TBRG1: variants seen among roughly 807,000 people sequenced by gnomAD.
The protein encoded by TBRG1 is transforming growth factor beta regulator 1.
A neutral mutation model predicts 44.0 loss-of-function variants in TBRG1; 31 were observed. The ratio of observed to expected loss-of-function variants is 0.70; its 90% CI spans 0.53 to 0.95. The LOEUF is 0.95. Ranked by LOEUF, TBRG1 falls within the 40% of genes least tolerant of loss-of-function variation. The pLI, the probability that TBRG1 is intolerant of heterozygous loss-of-function variation, is 0.00. For synonymous variants in TBRG1, 171 were observed against 188.1 expected, an observed-to-expected ratio of 0.91 and a Z score of 0.74; for missense variants, 487 against 496.1, an observed-to-expected ratio of 0.98 and a Z score of 0.18.
In TBRG1 at chr11:124,625,743, C is replaced by T; in HGVS notation, c.294C>T (p.His98=). The T allele has an allele frequency of 6.4e-7, 1 of 1,561,944 alleles. No individual in the cohort carries two copies. Among genetic ancestry groups the T allele is most frequent in the Non-Finnish European group, 8.7e-7 (1 of 1,151,914 alleles). ...AAGTACAGGCTGCAGCTCCTTCCCACAGTTCCAGTTTGCCCCTGACTTATG... is the reference window on the plus strand; with the variant it reads ...AAGTACAGGCTGCAGCTCCTTCCCATAGTTCCAGTTTGCCCCTGACTTATG... ...EGEVQAAAPS[H]SSSLPLTYGV... Residue 98 remains histidine (H), a synonymous_variant, in exon 3 of 9, where the codon CAC becomes CAT. Coordinates refer to ENST00000441174, the MANE Select transcript of TBRG1 (RefSeq NM_032811.3).
chr11:124,624,869 C>T, intron 1 of TBRG1, 62 bp from the exon 2 acceptor site: 1 of 1,150,180 alleles, frequency 8.7e-7, no homozygotes, highest in Non-Finnish European at 1.2e-6. Context: ...ATCCTCTTCC[C>T]AGCATAATAA....
At chr11:124,630,259 A>G in intron 5 of TBRG1, 129 bp from the exon 6 acceptor site, 1 of 724,954 alleles carries the variant, frequency 1.4e-6, no homozygotes, top group Non-Finnish European at 2.5e-6. Context: ...ATAGGAAAGT[A>G]TGTGTGTCCC....
chr11:124,626,734 C>T (rs1942481463), intron 4 of TBRG1, 125 bp downstream of exon 4: 1 of 1,412,746 alleles, frequency 7.1e-7, no homozygotes, highest in Admixed American at 2.0e-5. Context: ...AGCGTATCTC[C>T]AGTCCCTGCA....
In TBRG1 at chr11:124,631,434, C is replaced by T. The variant is rs766938199; in HGVS notation, c.1090+17C>T. The T allele has an allele frequency of 6.2e-7, 1 of 1,613,324 alleles. No individual in the cohort carries two copies. Among genetic ancestry groups the T allele is most frequent in the Admixed American group, 1.7e-5 (1 of 60,014 alleles). On this transcript the variant is annotated intron_variant, in intron 8 of 8. Transcript: ENST00000441174. The stretch of plus-strand genomic sequence containing the variant: ...TTCTGCCAGGTATCTTTAACTTTAC[C>T]TTTCTGGTTTGAAAATTGACTGTGT...
At position 124,634,615 on chromosome 11, in the gene TBRG1, T is replaced by C. The variant is rs773155090; in HGVS notation, c.*2377T>C. 1.1e-4 allele frequency: 16 copies of C among 152,152 alleles called. No homozygotes were observed. The highest frequency in any genetic ancestry group is 2.1e-4 in the South Asian group (1 of 4,830). 9.4% of individuals were successfully genotyped at this position (152,152 alleles called of 1,614,324 possible). A position where few individuals can be genotyped will look rare whatever the true frequency, so the allele number is the denominator to read the frequency against. ...TGTGGTATGATGTTTGCATGTGATA[T>C]TCATTACAGTATTATTTTAATAGTA... On this transcript the variant is annotated 3_prime_UTR_variant, in exon 9 of 9. Coordinates refer to ENST00000441174, the MANE Select transcript of TBRG1 (RefSeq NM_032811.3).
chr11:124,630,319 TAC>T, intron 5 of TBRG1, 67 bp from the exon 6 acceptor site: 1 of 988,620 alleles, frequency 1.0e-6, no homozygotes, highest in Non-Finnish European at 1.6e-6. Context: ...AAGAAATATT[TAC>T]AGAGTAGTAT....
chr11:124,624,049 G>A (rs9723), intron 1 of TBRG1, among the ~76,000 whole-genome samples: 28,703 of 152,098 alleles, frequency 0.19, 5,852 homozygotes, highest in African/African-American at 0.5. Context: ...CATTCCAAAA[G>A]CACTTATTCA....
chr11:124,627,123 G>C (rs960451628), intron 5 of TBRG1, 73 bp downstream of exon 5: 8 of 1,063,912 alleles, frequency 7.5e-6, no homozygotes, highest in Non-Finnish European at 9.9e-6. Flanking sequence ...TACCTGTTCT[G>C]ATACCTTACA....
At position 124,632,091 on chromosome 11, in the gene TBRG1, A is replaced by C; in HGVS notation, c.1091-2A>C. 6.8e-6 allele frequency: 11 copies of C among 1,613,576 alleles called. No homozygotes were observed. The highest frequency in any genetic ancestry group is 9.3e-6 in the Non-Finnish European group (11 of 1,179,586). ...TGGAACTTAAGGAATTGTTTTCTCC[A>C]GGATCCTTGGACCTCCCAGAGCTTC... On this transcript the variant is annotated splice_acceptor_variant, in intron 8 of 8. Transcript: ENST00000441174. LOFTEE classifies it high-confidence loss of function.
rs1291036760 is a variant in TBRG1 at position 124,635,243 on chromosome 11, C to T, written c.*3005C>T. 1 of 152,190 alleles carries T rather than the reference C, an allele frequency of 6.6e-6. No individual in the cohort carries two copies. Among genetic ancestry groups the T allele is most frequent in the Non-Finnish European group, 1.5e-5 (1 of 68,054 alleles). 9.4% of individuals were successfully genotyped at this position (152,190 alleles called of 1,614,324 possible). On this transcript the variant is annotated 3_prime_UTR_variant, in exon 9 of 9. Transcript: ENST00000441174. ...CAATCTGTTACAAGGTTCATGGTTTCTATGGGGCCAGATGCATGAGAGGTC... is the reference window on the plus strand; with the variant it reads ...CAATCTGTTACAAGGTTCATGGTTTTTATGGGGCCAGATGCATGAGAGGTC...
At chr11:124,627,251 A>G (rs555041184) in intron 5 of TBRG1, among the ~76,000 whole-genome samples, 3 of 152,318 alleles carry the variant, frequency 2.0e-5, no homozygotes, top group African/African-American at 7.2e-5. Context: ...TATCTGTCTC[A>G]TTCTCAAACT....
intron 1 of TBRG1, chr11:124,623,529 C>G (rs544476601): frequency 1.7e-4 from 73 of 439,630 alleles, no homozygotes; most frequent in Middle Eastern, 3.5e-4. Context: ...CTGCAGGACT[C>G]TAGGAAATGT....
At chr11:124,628,889 C>T (rs4936947) in intron 5 of TBRG1, among the ~76,000 whole-genome samples, 54,421 of 151,890 alleles carry the variant, frequency 0.36, 10,917 homozygotes, top group East Asian at 0.54. Flanking sequence ...ACAATGTTCA[C>T]TGTGGCAGTA....
Position 124,625,091 on chromosome 11 carries a change from T to C in TBRG1, c.221+90T>C. Reference sequence around the variant, plus strand: ...GTGTTACTGCTCTGGAGACTTTTTTTCCCAGTGGGATTGATGCGTATCGCA... The same window carrying C: ...GTGTTACTGCTCTGGAGACTTTTTTCCCCAGTGGGATTGATGCGTATCGCA... On this transcript the variant is annotated intron_variant, in intron 2 of 8. Coordinates refer to ENST00000441174, the MANE Select transcript of TBRG1 (RefSeq NM_032811.3). 3 of 917,472 alleles carry C rather than the reference T, an allele frequency of 3.3e-6. No individual in the cohort carries two copies. The South Asian group carries it at 4.7e-5, about 14-fold the overall frequency. 56.8% of individuals were successfully genotyped at this position (917,472 alleles called of 1,614,324 possible). A position where few individuals can be genotyped will look rare whatever the true frequency, so the allele number is the denominator to read the frequency against.
chr11:124,630,601 C>G (rs1328057419), intron 6 of TBRG1, 116 bp downstream of exon 6: 2 of 1,033,324 alleles, frequency 1.9e-6, no homozygotes, highest in Non-Finnish European at 3.0e-6. Context: ...TATCCTGGAT[C>G]CTCCTGACAT....
rs917737837 is a variant in TBRG1 at position 124,635,470 on chromosome 11, C to A, written c.*3232C>A. On this transcript the variant is annotated 3_prime_UTR_variant, in exon 9 of 9. Transcript: ENST00000441174. ...GGGGTAGAACTAAAGCAAAAACCAT[C>A]ATTCACCCTACAGAGTATTATAAAT... 6.6e-6 allele frequency: 1 copy of A among 152,174 alleles called. No individual in the cohort carries two copies. The highest frequency in any genetic ancestry group is 1.5e-5 in the Non-Finnish European group (1 of 68,028). The allele number at this position is 152,174 out of a possible 1,614,324, so 9.4% of individuals were successfully genotyped here. A position where few individuals can be genotyped will look rare whatever the true frequency, so the allele number is the denominator to read the frequency against.
chr11:124,627,218 G>A (rs1199376085), intron 5 of TBRG1, among the ~76,000 whole-genome samples, 168 bp downstream of exon 5: 1 of 152,224 alleles, frequency 6.6e-6, no homozygotes, highest in Non-Finnish European at 1.5e-5. Flanking sequence ...CTAATAAGTG[G>A]TTGAGTTTGG....
intron 1 of TBRG1, 70 bp from the exon 2 acceptor site, chr11:124,624,861 C>A: frequency 9.3e-7 from 1 of 1,078,526 alleles, no homozygotes; most frequent in Non-Finnish European, 1.3e-6. Context: ...AAATATGGAT[C>A]CTCTTCCCAG....
chr11:124,624,738 A>G (rs1381723334), intron 1 of TBRG1, among the ~76,000 whole-genome samples, 193 bp from the exon 2 acceptor site: 1 of 152,186 alleles, frequency 6.6e-6, no homozygotes, highest in East Asian at 1.9e-4. Context: ...TAAATTACAT[A>G]GCTATACCCT....
Sources: allele counts gnomAD v4.1 joint callset (sites outside exome capture counted in the v4.1 genomes callset), GRCh38; gene constraint gnomAD v4.1.1; transcripts MANE v1.5; gene names NCBI Gene and HGNC (gene_info 2026-07-23, HGNC 2026-07-21).